Variants in STAG1 observed in about 807,000 individuals in gnomAD.
STAG1 encodes the protein cohesin subunit SA-1.
Under a neutral mutation model 170.9 loss-of-function variants are expected in STAG1, and 26 were observed. That is an observed-to-expected ratio of 0.15 (90% confidence interval 0.11 to 0.21). STAG1 has a LOEUF of 0.21. STAG1 is among the 10% of genes least tolerant of loss of function. The pLI, the probability that STAG1 is intolerant of heterozygous loss-of-function variation, is 1.00. For synonymous variants in STAG1, 514 were observed against 497.7 expected (o/e 1.03, Z -0.44); for missense variants, 964 against 1,509.5 (o/e 0.64, Z 5.99).
intron 5 of STAG1, among the ~76,000 whole-genome samples, chr3:136,560,587 G>C (rs1284986173): frequency 2.6e-5 from 4 of 152,118 alleles, no homozygotes; most frequent in African/African-American, 9.7e-5. Context: ...CCACTTCATT[G>C]ATACTGAATA....
chr3:136,423,902 C>A (rs1421547528), intron 16 of STAG1, among the ~76,000 whole-genome samples: 2 of 150,994 alleles, frequency 1.3e-5, no homozygotes, highest in African/African-American at 4.9e-5. Context: ...CTTGCTCTGT[C>A]ACCCAGGCTG....
intron 1 of STAG1, among the ~76,000 whole-genome samples, chr3:136,641,573 C>A (rs1940800525): frequency 6.6e-6 from 1 of 152,150 alleles, no homozygotes; most frequent in Non-Finnish European, 1.5e-5. Flanking sequence ...CAGATAAACC[C>A]AAACTGCAGG....
intron 1 of STAG1, among the ~76,000 whole-genome samples, chr3:136,723,547 T>G (rs1397827526): frequency 1.3e-5 from 2 of 150,488 alleles, no homozygotes; most frequent in African/African-American, 4.9e-5. Flanking sequence ...AGCCACCCCA[T>G]CCGGGAGGGA....
At position 136,752,293 on chromosome 3, in the gene STAG1, T is replaced by C. The variant is rs1047629330; in HGVS notation, c.-182A>G. The C allele has an allele frequency of 4.6e-5, 7 of 152,538 alleles. No individual in the cohort carries two copies. Among genetic ancestry groups the C allele is most frequent in the African/African-American group, 1.7e-4 (7 of 41,370 alleles). 9.4% of individuals were successfully genotyped at this position (152,538 alleles called of 1,614,324 possible). On this transcript the variant is annotated 5_prime_UTR_variant, in exon 1 of 34. Transcript: ENST00000383202. ...ATGTGGGGGGGTTGTTACGGGGTGG[T>C]CGCCGGGGGTTCGGGAGCGGGGGCC...
intron 1 of STAG1, among the ~76,000 whole-genome samples, chr3:136,673,418 A>C (rs558560887): frequency 6.6e-6 from 1 of 152,326 alleles, no homozygotes; most frequent in East Asian, 1.9e-4. Context: ...TTTTGGGGGA[A>C]AAATGAGTAC....
chr3:136,410,538 T>C (rs1181140618), intron 21 of STAG1, among the ~76,000 whole-genome samples: 1 of 152,168 alleles, frequency 6.6e-6, no homozygotes, highest in Non-Finnish European at 1.5e-5. Context: ...AACTTGGATT[T>C]GAGTGGGTGC....
chr3:136,693,700 CTAGGACCACAAG>C (rs1436313373), intron 1 of STAG1, among the ~76,000 whole-genome samples: 1 of 151,880 alleles, frequency 6.6e-6, no homozygotes, highest in Non-Finnish European at 1.5e-5. Context: ...CTCTCAGCAG[CTAGGACCACAAG>C]TGCACACCCC....
intron 31 of STAG1, 50 bp from the exon 32 acceptor site, chr3:136,340,655 G>A (rs1352958715): frequency 8.3e-7 from 1 of 1,202,822 alleles, no homozygotes; most frequent in Admixed American, 1.7e-5. Context: ...CCACCATTTG[G>A]AGTCCTGGCT....
chr3:136,537,471 C>G (rs1169623437), intron 6 of STAG1, among the ~76,000 whole-genome samples: 1 of 150,664 alleles, frequency 6.6e-6, no homozygotes, highest in Non-Finnish European at 1.5e-5. Context: ...GACTTTAAGC[C>G]TAATAGTGTC....
chr3:136,626,099 T>C (rs988024521), intron 2 of STAG1, among the ~76,000 whole-genome samples: 1 of 150,208 alleles, frequency 6.7e-6, no homozygotes, highest in African/African-American at 2.5e-5. Flanking sequence ...TAAATAATAT[T>C]GTAAATGATG....
intron 22 of STAG1, among the ~76,000 whole-genome samples, chr3:136,379,485 G>C (rs1365850250): frequency 6.6e-6 from 1 of 152,174 alleles, no homozygotes; most frequent in East Asian, 1.9e-4. Context: ...GAGACGGCCA[G>C]ATCACCTGAG....
chr3:136,478,251 G>A (rs1257209731), intron 9 of STAG1, among the ~76,000 whole-genome samples: 1 of 152,164 alleles, frequency 6.6e-6, no homozygotes, highest in Non-Finnish European at 1.5e-5. Flanking sequence ...TGACAATACT[G>A]CGAAGTCATG....
At chr3:136,668,195 A>G (rs1941858201) in intron 1 of STAG1, among the ~76,000 whole-genome samples, 2 of 151,298 alleles carry the variant, frequency 1.3e-5, no homozygotes, top group African/African-American at 4.9e-5. Context: ...ATCATGCCAC[A>G]ATGCATTCTA....
chr3:136,418,360 C>CAAAAAAAAAAAAAAAAAAAAAAAAA (rs767401141), intron 20 of STAG1, among the ~76,000 whole-genome samples: 3 of 49,748 alleles, frequency 6.0e-5, no homozygotes, highest in African/African-American at 2.2e-4. Context: ...ACTCTGTCTC[C>CAAAAAAAAAAAAAAAAAAAAAAAAA]AAAAAAAAAA....
At chr3:136,597,288 TAGTA>T (rs1938472173) in intron 4 of STAG1, among the ~76,000 whole-genome samples, 1 of 152,202 alleles carries the variant, frequency 6.6e-6, no homozygotes, top group Non-Finnish European at 1.5e-5. Context: ...GTTATATTCT[TAGTA>T]AAGAAAAGAA....
chr3:136,734,124 C>A (rs71630058), intron 1 of STAG1, among the ~76,000 whole-genome samples: 19,456 of 141,732 alleles, frequency 0.14, 1,864 homozygotes, highest in Non-Finnish European at 0.2. Context: ...AAAAAAAAAA[C>A]AAAACAAAAC....
At chr3:136,671,874 T>C (rs990298527) in intron 1 of STAG1, among the ~76,000 whole-genome samples, 2 of 151,866 alleles carry the variant, frequency 1.3e-5, no homozygotes, top group African/African-American at 4.8e-5. Context: ...GACCATTACC[T>C]TGAAGAAAAA....
intron 4 of STAG1, among the ~76,000 whole-genome samples, chr3:136,601,730 G>A (rs1253599624): frequency 6.6e-6 from 1 of 152,062 alleles, no homozygotes; most frequent in Non-Finnish European, 1.5e-5. Flanking sequence ...CCAGCTACTC[G>A]GGAGGTTGAG....
At chr3:136,511,929 G>A (rs1447479982) in intron 7 of STAG1, among the ~76,000 whole-genome samples, 3 of 124,350 alleles carry the variant, frequency 2.4e-5, no homozygotes, top group Non-Finnish European at 5.4e-5. Flanking sequence ...CACAGAAAGG[G>A]TAGAAAAAGC....
Sources: allele counts gnomAD v4.1 joint callset (sites outside exome capture counted in the v4.1 genomes callset), GRCh38; gene constraint gnomAD v4.1.1; transcripts MANE v1.5; gene names NCBI Gene and HGNC (gene_info 2026-07-23, HGNC 2026-07-21).